DCUN1D1: variants seen among roughly 807,000 people sequenced by gnomAD.
DCUN1D1 encodes the protein defective in cullin neddylation 1 domain containing 1, also known as DCN1-like protein 1.
In DCUN1D1, 3 loss-of-function variants were observed where a neutral mutation model predicts 39.0. The observed-to-expected ratio is 0.08, with a 90% CI of 0.04 to 0.20. The LOEUF is 0.20. Among genes scored for constraint, DCUN1D1 ranks in the 10% least tolerant of loss-of-function variants. The probability of loss-of-function intolerance (pLI) is 1.00; values close to 1 mark genes in which losing one functional copy is unlikely to be tolerated. For missense variants in DCUN1D1, 158 were observed against 302.4 expected (o/e 0.52, Z 3.54); for synonymous variants, 82 against 96.3 (o/e 0.85, Z 0.87).
chr3:182,981,294 T>C (rs1345195299), upstream of DCUN1D1, among the ~76,000 whole-genome samples: 2 of 152,170 alleles, frequency 1.3e-5, no homozygotes, highest in Non-Finnish European at 2.9e-5. Flanking sequence ...ATCCCCTCAG[T>C]TCGGCCCGCC....
At chr3:182,951,844 G>A (rs1027576998) in intron 4 of DCUN1D1, among the ~76,000 whole-genome samples, 9 of 151,676 alleles carry the variant, frequency 5.9e-5, no homozygotes, top group Non-Finnish European at 1.2e-4. Flanking sequence ...CTACAGGCAT[G>A]AGCCACCATG....
In DCUN1D1 at chr3:182,950,234, G is replaced by A. The variant is rs182214771; in HGVS notation, c.521-2602C>T. Among the ~76,000 whole-genome samples, 266 of 151,798 alleles carry A rather than the reference G, an allele frequency of 1.8e-3. 1 individual carries two copies. The highest frequency in any genetic ancestry group is 5.6e-3 in the South Asian group (27 of 4,792). ...GCAATCTCGGTTCACTGCAACCTCC[G>A]ACTCCCTGGTTCAAGCAATTCTCCT... On this transcript the variant is annotated intron_variant, in intron 4 of 6. Coordinates refer to ENST00000292782, the MANE Select transcript of DCUN1D1 (RefSeq NM_020640.4).
intron 1 of DCUN1D1, among the ~76,000 whole-genome samples, chr3:182,972,578 C>A (rs1035854013): frequency 6.6e-6 from 1 of 151,782 alleles, no homozygotes; most frequent in Non-Finnish European, 1.5e-5. Flanking sequence ...GAGTTCAAGA[C>A]GAGCCTGGGC....
chr3:182,949,498 C>T (rs1489586854), intron 4 of DCUN1D1, among the ~76,000 whole-genome samples: 1 of 151,806 alleles, frequency 6.6e-6, no homozygotes, highest in African/African-American at 2.4e-5. Context: ...GGCGAGAAGA[C>T]TGCTTGAGAT....
intron 4 of DCUN1D1, among the ~76,000 whole-genome samples, chr3:182,952,942 A>G (rs1726833350): frequency 4.6e-5 from 7 of 152,222 alleles, no homozygotes; most frequent in Admixed American, 3.9e-4. Context: ...CCTTTCAGGC[A>G]TGAATCTGGT....
intron 1 of DCUN1D1, among the ~76,000 whole-genome samples, chr3:182,979,179 C>G (rs1220153472): frequency 6.6e-6 from 1 of 152,194 alleles, no homozygotes; most frequent in African/African-American, 2.4e-5. Flanking sequence ...TTAAAGTTTT[C>G]TTACCAATTC....
At chr3:182,950,098 T>C (rs1726630552) in intron 4 of DCUN1D1, among the ~76,000 whole-genome samples, 1 of 152,202 alleles carries the variant, frequency 6.6e-6, no homozygotes, top group Non-Finnish European at 1.5e-5. Context: ...TCTCCAACTT[T>C]ACCTTGTTCT....
intron 1 of DCUN1D1, among the ~76,000 whole-genome samples, chr3:182,966,755 C>T (rs1439595543): frequency 6.6e-6 from 1 of 152,196 alleles, no homozygotes; most frequent in African/African-American, 2.4e-5. Context: ...TTGGGTTCTT[C>T]CTAAGCTACT....
chr3:182,980,373 G>A (rs917365207), intron 1 of DCUN1D1, 114 bp downstream of exon 1: 28 of 792,774 alleles, frequency 3.5e-5, no homozygotes, highest in Admixed American at 1.2e-4. Flanking sequence ...CGGAGGCCGC[G>A]GGCCGAGGCT....
chr3:182,961,063 A>G (rs192254874), intron 4 of DCUN1D1, among the ~76,000 whole-genome samples, 163 bp downstream of exon 4: 24 of 151,746 alleles, frequency 1.6e-4, no homozygotes, highest in African/African-American at 5.8e-4. Flanking sequence ...CTCAATGTGC[A>G]TGGTATTTTC....
At position 182,951,617 on chromosome 3, in the gene DCUN1D1, C is replaced by CAAAAA. The variant is rs748698621; in HGVS notation, c.521-3990_521-3986dup. Among the ~76,000 whole-genome samples, 22 of 44,380 alleles carry CAAAAA rather than the reference C, an allele frequency of 5.0e-4. 1 individual carries two copies. The highest frequency in any genetic ancestry group is 1.6e-3 in the African/African-American group (20 of 12,286). The allele number at this position is 44,380 out of a possible 152,430, so 29.1% of individuals were successfully genotyped here. On this transcript the variant is annotated intron_variant, in intron 4 of 6. Transcript: ENST00000292782. ...GGTGACAGAGAGAGACCCTGTCTCC[C>CAAAAA]AAAAAAAAAAAAAAAAAAAAAAAAA...
At chr3:182,958,310 A>G (rs954834747) in intron 4 of DCUN1D1, among the ~76,000 whole-genome samples, 1 of 151,614 alleles carries the variant, frequency 6.6e-6, no homozygotes, top group African/African-American at 2.4e-5. Context: ...TAGGTTTATG[A>G]AAAGTTGAGC....
At chr3:182,978,179 A>G (rs1728339490) in intron 1 of DCUN1D1, among the ~76,000 whole-genome samples, 1 of 152,138 alleles carries the variant, frequency 6.6e-6, no homozygotes, top group African/African-American at 2.4e-5. Flanking sequence ...AGTATTTCAA[A>G]TATCCCATCA....
At chr3:182,946,868 C>A (rs983358479) in intron 6 of DCUN1D1, among the ~76,000 whole-genome samples, 4 of 152,080 alleles carry the variant, frequency 2.6e-5, no homozygotes, top group African/African-American at 7.2e-5. Flanking sequence ...ATAATCCCAA[C>A]ACTTTGGGAT....
At chr3:182,958,079 T>A (rs1165408540) in intron 4 of DCUN1D1, among the ~76,000 whole-genome samples, 1 of 152,108 alleles carries the variant, frequency 6.6e-6, no homozygotes, top group African/African-American at 2.4e-5. Context: ...TCTCCTATGA[T>A]CTTCTAATTC....
upstream of DCUN1D1, among the ~76,000 whole-genome samples, chr3:182,983,537 G>A (rs1365064389): frequency 2.0e-5 from 3 of 152,142 alleles, no homozygotes; most frequent in Admixed American, 1.3e-4. Flanking sequence ...CCAACATGGC[G>A]AAATCCCATC....
chr3:182,957,955 A>C (rs900453706), intron 4 of DCUN1D1, among the ~76,000 whole-genome samples: 1 of 150,952 alleles, frequency 6.6e-6, no homozygotes, highest in African/African-American at 2.4e-5. Flanking sequence ...AAAAAAAAAA[A>C]AAAAAACAGA....
chr3:182,958,408 C>G lies in DCUN1D1; in HGVS notation c.520+2818G>C, dbSNP rs1400562411. On this transcript the variant is annotated intron_variant, in intron 4 of 6. Transcript: ENST00000292782. ...CTTTAGTGTGGTATATTTTTTATAA[C>G]TGATGAATCAATATGAATATATTAT... Among the ~76,000 whole-genome samples, 11 of 152,012 alleles carry G rather than the reference C, an allele frequency of 7.2e-5. 1 individual carries two copies. The highest frequency in any genetic ancestry group is 6.6e-4 in the Admixed American group (10 of 15,258).
At chr3:182,980,278 C>T in intron 1 of DCUN1D1, 2 of 325,058 alleles carry the variant, frequency 6.2e-6, no homozygotes, top group Middle Eastern at 1.5e-3. Context: ...GCCTCCTCGG[C>T]TCTCGCGTAG....
Sources: gnomAD v4.1 joint callset for allele counts (sites outside exome capture counted in the v4.1 genomes callset) on GRCh38, gnomAD v4.1.1 for gene constraint, MANE v1.5 for transcripts, NCBI Gene and HGNC (gene_info 2026-07-23, HGNC 2026-07-21) for gene names.